The following PHF14 variants were observed in gnomAD, a reference collection of about 807,000 sequenced individuals.
PHF14 encodes the protein PHD finger protein 14.
A neutral mutation model predicts 117.9 loss-of-function variants in PHF14; 55 were observed. The ratio of observed to expected loss-of-function variants is 0.47; its 90% CI spans 0.38 to 0.58. PHF14 has a LOEUF of 0.58. PHF14 is among the 20% of genes least tolerant of loss of function. PHF14 has a pLI of 0.00. For synonymous variants in PHF14, 409 were observed against 368.6 expected (o/e 1.11, Z -1.26); for missense variants, 978 against 1,122.2 (o/e 0.87, Z 1.84).
At chr7:11,117,671 GA>G (rs1787639907) in intron 17 of PHF14, among the ~76,000 whole-genome samples, 1 of 129,328 alleles carries the variant, frequency 7.7e-6, no homozygotes, top group Admixed American at 8.3e-5. Flanking sequence ...CAGTCATTGA[GA>G]ATTTTGTGTC....
At position 11,063,012 on chromosome 7, in the gene PHF14, T is replaced by G. The variant is rs1409821766; in HGVS notation, c.2654+927T>G. On this transcript the variant is annotated intron_variant, in intron 16 of 17. Transcript: ENST00000634607. ...TATTGATAAAACAAATATATTAGTGTTGTTGTATGTTTTTAAATACTTACT... is the reference window on the plus strand; with the variant it reads ...TATTGATAAAACAAATATATTAGTGGTGTTGTATGTTTTTAAATACTTACT... 4 of 790,076 alleles carry G rather than the reference T, an allele frequency of 5.1e-6. No homozygotes were observed. In the African/African-American group the frequency reaches 7.5e-5, roughly 15 times the overall value. 48.9% of individuals were successfully genotyped at this position (790,076 alleles called of 1,614,324 possible).
intron 17 of PHF14, among the ~76,000 whole-genome samples, chr7:11,117,000 A>G (rs1025948136): frequency 6.6e-6 from 1 of 151,934 alleles, no homozygotes; most frequent in African/African-American, 2.4e-5. Context: ...TTTCCAGGAT[A>G]TTCTTGATAA....
chr7:11,126,519 A>T (rs1787933470), intron 17 of PHF14, among the ~76,000 whole-genome samples: 1 of 152,150 alleles, frequency 6.6e-6, no homozygotes, highest in African/African-American at 2.4e-5. Flanking sequence ...TCTACTACAT[A>T]TGAATCTAAT....
At position 11,066,332 on chromosome 7, in the gene PHF14, G is replaced by T. The variant is rs531338531; in HGVS notation, c.2654+4247G>T. 6.6e-5 allele frequency among the ~76,000 whole-genome samples: 10 copies of T among 152,102 alleles called. 1 individual carries two copies. In the South Asian group the frequency reaches 2.1e-3, roughly 32 times the overall value. On this transcript the variant is annotated intron_variant, in intron 16 of 17. Transcript: ENST00000634607. The stretch of plus-strand genomic sequence containing the variant: ...TAGAGTGCAGTGGCACTTTCTTGAC[G>T]CAGTACAGCCTCTGCCTCCCGGGCT...
chr7:11,086,361 C>T (rs544852395), intron 16 of PHF14, among the ~76,000 whole-genome samples: 11 of 152,258 alleles, frequency 7.2e-5, no homozygotes, highest in South Asian at 2.1e-4. Flanking sequence ...TAGATCATCG[C>T]AGGTCATTTT....
At chr7:11,011,834 A>T (rs1476798145) in intron 4 of PHF14, among the ~76,000 whole-genome samples, 1 of 152,220 alleles carries the variant, frequency 6.6e-6, no homozygotes, top group Non-Finnish European at 1.5e-5. Context: ...TTTAGGAGTC[A>T]TGACTATCAT....
rs552541721 is a variant in PHF14, at chr7:11,016,756, C to CT, written c.1205+2853dup. On this transcript the variant is annotated intron_variant, in intron 5 of 17. Coordinates refer to ENST00000634607, the MANE Select transcript of PHF14 (RefSeq NM_001007157.2). ...GAGTTACAAACAATCCAGTTACCCTCTTTAAGTTATTTTTAAGTGTACAAT... is the reference window on the plus strand; with the variant it reads ...GAGTTACAAACAATCCAGTTACCCTCTTTTAAGTTATTTTTAAGTGTACAAT... Among the ~76,000 whole-genome samples, 9 of 152,234 alleles carry CT rather than the reference C, an allele frequency of 5.9e-5. No homozygotes were observed. In the South Asian group the frequency reaches 1.9e-3, roughly 32 times the overall value.
intron 7 of PHF14, among the ~76,000 whole-genome samples, chr7:11,030,077 A>T (rs1784070200): frequency 6.6e-6 from 1 of 151,360 alleles, no homozygotes; most frequent in South Asian, 2.1e-4. Flanking sequence ...CTTCATTTAT[A>T]TAGCTGTTCC....
At chr7:11,086,307 T>C (rs1190557196) in intron 16 of PHF14, among the ~76,000 whole-genome samples, 3 of 152,226 alleles carry the variant, frequency 2.0e-5, no homozygotes, top group Admixed American at 6.5e-5. Flanking sequence ...GTCTGTCTTT[T>C]TGTTTTCATT....
At chr7:11,021,288 A>C (rs1783725699) in intron 5 of PHF14, among the ~76,000 whole-genome samples, 2 of 152,222 alleles carry the variant, frequency 1.3e-5, no homozygotes, top group South Asian at 4.1e-4. Flanking sequence ...GTAAAGTAAC[A>C]AGGAAGATTT....
intron 4 of PHF14, among the ~76,000 whole-genome samples, chr7:10,995,516 A>G (rs571600664): frequency 3.9e-5 from 6 of 152,334 alleles, no homozygotes; most frequent in African/African-American, 1.2e-4. Flanking sequence ...CCAGGGCCAC[A>G]TGTGGAGCTG....
intron 16 of PHF14, chr7:11,106,514 C>T: frequency 1.0e-6 from 1 of 958,318 alleles, no homozygotes; most frequent in African/African-American, 1.8e-5. Context: ...AAATGTTATT[C>T]CGTATTGGTA....
chr7:11,012,168 A>T (rs979695231), intron 4 of PHF14, among the ~76,000 whole-genome samples: 2 of 152,214 alleles, frequency 1.3e-5, no homozygotes, highest in Non-Finnish European at 2.9e-5. Flanking sequence ...AGATATTGTC[A>T]ATGAAGTCCT....
chr7:10,979,955 A>G (rs1781996689), intron 2 of PHF14, among the ~76,000 whole-genome samples: 1 of 152,152 alleles, frequency 6.6e-6, no homozygotes, highest in Non-Finnish European at 1.5e-5. Flanking sequence ...ATAGTTAACA[A>G]ACATAAAACA....
intron 17 of PHF14, among the ~76,000 whole-genome samples, chr7:11,165,386 G>C (rs1346861759): frequency 6.6e-6 from 1 of 152,106 alleles, no homozygotes; most frequent in Non-Finnish European, 1.5e-5. Flanking sequence ...TATATTATTG[G>C]TGATATTAAC....
chr7:11,136,281 A>C (rs1472926036), intron 17 of PHF14, among the ~76,000 whole-genome samples: 1 of 152,114 alleles, frequency 6.6e-6, no homozygotes, highest in Non-Finnish European at 1.5e-5. Context: ...TTTTAATTAT[A>C]ATTTTTTTTC....
intron 17 of PHF14, among the ~76,000 whole-genome samples, chr7:11,164,772 G>A (rs1262835346): frequency 1.3e-5 from 2 of 152,098 alleles, no homozygotes; most frequent in Middle Eastern, 3.2e-3. Context: ...ACTTTGAGAG[G>A]CTGCTACTAC....
In PHF14 at chr7:10,974,816, A is replaced by C. The variant is rs377195132; in HGVS notation, c.2-19A>C. On this transcript the variant is annotated intron_variant, in intron 1 of 17. Coordinates refer to ENST00000634607, the MANE Select transcript of PHF14 (RefSeq NM_001007157.2). The stretch of plus-strand genomic sequence containing the variant: ...TTGGTGTGATTATGAATGACAATGT[A>C]ATTTTTTTCTCTTCACAGTGGATCG... 1.3e-5 allele frequency: 17 copies of C among 1,300,188 alleles called. No homozygotes were observed. Among genetic ancestry groups the C allele is most frequent in the Non-Finnish European group, 1.8e-5 (17 of 922,312 alleles). The allele number at this position is 1,300,188 out of a possible 1,614,324, so 80.5% of individuals were successfully genotyped here. A position where few individuals can be genotyped will look rare whatever the true frequency, so the allele number is the denominator to read the frequency against.
chr7:11,110,396 T>C (rs2128343328), intron 16 of PHF14: 1 of 162,730 alleles, frequency 6.1e-6, no homozygotes, highest in Middle Eastern at 3.1e-3. Flanking sequence ...AAATGAGGAA[T>C]GTAATCCCTT....
Sources: allele counts gnomAD v4.1 joint callset (sites outside exome capture counted in the v4.1 genomes callset), GRCh38; gene constraint gnomAD v4.1.1; transcripts MANE v1.5; gene names NCBI Gene and HGNC (gene_info 2026-07-23, HGNC 2026-07-21).